Variants in NBAS observed in about 807,000 individuals in gnomAD.
NBAS encodes the protein NBAS subunit of NRZ tethering complex.
In NBAS, 219 loss-of-function variants were observed where a neutral mutation model predicts 302.5. The observed-to-expected ratio is 0.72, with a 90% confidence interval of 0.65 to 0.81. The LOEUF is 0.81. Among genes scored for constraint, NBAS ranks in the 30% least tolerant of loss-of-function variants. The pLI is 0.00. For synonymous variants in NBAS, 1,118 were observed against 1,021.6 expected, an observed-to-expected ratio of 1.09 and a Z score of -1.80; for missense variants, 2,932 against 2,841.6, an observed-to-expected ratio of 1.03 and a Z score of -0.72.
chr2:15,249,040 A>AAATATCCC (rs1668236503), intron 44 of NBAS, among the ~76,000 whole-genome samples: 1 of 152,220 alleles, frequency 6.6e-6, no homozygotes, highest in Non-Finnish European at 1.5e-5. Flanking sequence ...AATATCCCTG[A>AAATATCCC]TGAACATCGA....
intron 16 of NBAS, 147 bp downstream of exon 16, chr2:15,473,075 G>A: frequency 2.3e-6 from 2 of 888,078 alleles, no homozygotes; most frequent in Non-Finnish European, 3.4e-6. Context: ...CTAACAAAAA[G>A]ACCATTTTTC....
chr2:15,265,661 C>G (rs1043666183), intron 44 of NBAS, among the ~76,000 whole-genome samples: 3 of 152,130 alleles, frequency 2.0e-5, no homozygotes, highest in African/African-American at 7.2e-5. Context: ...TATTTTCATA[C>G]TTACTATGGC....
intron 44 of NBAS, among the ~76,000 whole-genome samples, chr2:15,253,854 T>C (rs916122230): frequency 6.6e-6 from 1 of 152,148 alleles, no homozygotes; most frequent in African/African-American, 2.4e-5. Flanking sequence ...ATTATGGCAG[T>C]GGGGGAGATC....
At chr2:15,174,656 G>C (rs1664449501) in intron 51 of NBAS, among the ~76,000 whole-genome samples, 2 of 152,174 alleles carry the variant, frequency 1.3e-5, no homozygotes, top group African/African-American at 4.8e-5. Context: ...TCATTCCTCT[G>C]TAGAAATAAC....
the NBAS span, among the ~76,000 whole-genome samples, chr2:15,123,590 G>C: frequency 9.1e-4 from 138 of 152,266 alleles, 3 homozygotes; most frequent in East Asian, 0.018. Context: ...TTGGTGATAA[G>C]TGAGTTCTCA....
chr2:15,478,185 A>T (rs767919329), intron 13 of NBAS, 41 bp downstream of exon 13: 1 of 1,247,558 alleles, frequency 8.0e-7, no homozygotes, highest in African/African-American at 1.5e-5. Context: ...TAATAATAGG[A>T]GTATATTAAG....
the NBAS span, among the ~76,000 whole-genome samples, chr2:14,883,457 T>C: frequency 2.0e-5 from 3 of 152,176 alleles, no homozygotes; most frequent in African/African-American, 7.2e-5. Context: ...TCAAGATAGA[T>C]ACTTAGGTCG....
the NBAS span, among the ~76,000 whole-genome samples, chr2:14,857,121 G>A: frequency 0.13 from 19,447 of 152,028 alleles, 2,218 homozygotes; most frequent in African/African-American, 0.3. Flanking sequence ...AACCAAAGCA[G>A]TGAAAGATGT....
chr2:15,507,016 T>C (rs1199076269), intron 10 of NBAS, among the ~76,000 whole-genome samples: 4 of 152,112 alleles, frequency 2.6e-5, no homozygotes, highest in African/African-American at 9.7e-5. Flanking sequence ...CTCTTGAGCA[T>C]TGTAAGGAAA....
chr2:15,443,928 T>A (rs1213509033), intron 21 of NBAS, among the ~76,000 whole-genome samples: 1 of 151,948 alleles, frequency 6.6e-6, no homozygotes, highest in Non-Finnish European at 1.5e-5. Flanking sequence ...ATAAAATACC[T>A]AGGAATCCAA....
chr2:14,962,372 T>A, the NBAS span, among the ~76,000 whole-genome samples: 3 of 152,122 alleles, frequency 2.0e-5, no homozygotes, highest in African/African-American at 7.2e-5. Flanking sequence ...GAAAGAAATT[T>A]CTTAAATTTT....
chr2:14,795,184 T>C, the NBAS span, among the ~76,000 whole-genome samples: 1 of 152,184 alleles, frequency 6.6e-6, no homozygotes, highest in African/African-American at 2.4e-5. Context: ...TTTCAAAGTG[T>C]TTTCCAAAGT....
At chr2:14,796,967 G>A in the NBAS span, among the ~76,000 whole-genome samples, 28 of 150,436 alleles carry the variant, frequency 1.9e-4, 1 homozygote, top group African/African-American at 5.9e-4. Flanking sequence ...GCGGGCGCCT[G>A]CAGTTCCAGC....
At chr2:14,947,528 T>G in the NBAS span, among the ~76,000 whole-genome samples, 7 of 151,800 alleles carry the variant, frequency 4.6e-5, no homozygotes. Context: ...TTGTAACAGG[T>G]TTTTTGGTAG....
intron 11 of NBAS, among the ~76,000 whole-genome samples, chr2:15,502,807 T>C (rs1032076701): frequency 2.0e-5 from 3 of 152,200 alleles, no homozygotes; most frequent in East Asian, 3.8e-4. Flanking sequence ...ACATTCATTT[T>C]TTTAAACTTT....
chr2:15,106,379 T>G, the NBAS span, among the ~76,000 whole-genome samples: 2 of 152,126 alleles, frequency 1.3e-5, no homozygotes, highest in Non-Finnish European at 2.9e-5. Flanking sequence ...AAGTGCTTTA[T>G]CTATTAATCG....
At chr2:15,467,602 A>G in intron 18 of NBAS, 62 bp downstream of exon 18, 2 of 1,496,064 alleles carry the variant, frequency 1.3e-6, no homozygotes, top group Non-Finnish European at 1.9e-6. Context: ...CTAGTAAGGA[A>G]CACACTGAAA....
the NBAS span, among the ~76,000 whole-genome samples, chr2:14,897,971 G>A: frequency 6.6e-6 from 1 of 152,260 alleles, no homozygotes; most frequent in Admixed American, 6.5e-5. Context: ...GAGTGAGGTG[G>A]GGAGCAATGC....
the NBAS span, among the ~76,000 whole-genome samples, chr2:14,909,054 C>T: frequency 1.3e-5 from 2 of 152,206 alleles, no homozygotes; most frequent in South Asian, 2.1e-4. Context: ...AACCACTGGC[C>T]GGGCGCGGTG....
Sources: gnomAD v4.1 joint callset for allele counts (sites outside exome capture counted in the v4.1 genomes callset) on GRCh38, gnomAD v4.1.1 for gene constraint, MANE v1.5 for transcripts, NCBI Gene and HGNC (gene_info 2026-07-23, HGNC 2026-07-21) for gene names.